The following VCL variants were observed in gnomAD, a reference collection of about 807,000 sequenced individuals.
VCL encodes epididymis luminal protein 114.
VCL carries 47 observed loss-of-function variants against 125.7 expected under a neutral mutation model. The observed-to-expected ratio is 0.37, with a 90% CI of 0.30 to 0.48. The LOEUF (loss-of-function observed/expected upper bound fraction) is 0.48. Among genes scored for constraint, VCL ranks in the 20% least tolerant of loss-of-function variants. The pLI is 0.99. For synonymous variants in VCL, 458 were observed against 514.6 expected, an observed-to-expected ratio of 0.89 and a Z score of 1.49; for missense variants, 1,069 against 1,455.5, an observed-to-expected ratio of 0.73 and a Z score of 4.32.
intron 10 of VCL, among the ~76,000 whole-genome samples, chr10:74,093,967 C>CA (rs1311165466): frequency 1.1e-4 from 16 of 152,196 alleles, no homozygotes; most frequent in Admixed American, 1.0e-3. Context: ...CTGGTGTTTT[C>CA]AGAGGTGGCA....
intron 2 of VCL, among the ~76,000 whole-genome samples, chr10:74,048,881 G>A (rs1213876003): frequency 6.6e-6 from 1 of 152,188 alleles, no homozygotes; most frequent in Non-Finnish European, 1.5e-5. Flanking sequence ...AGCACTTTGG[G>A]AGGCCGAGGC....
intron 8 of VCL, among the ~76,000 whole-genome samples, chr10:74,085,856 TTTTTA>T (rs766776412): frequency 6.6e-6 from 1 of 152,110 alleles, no homozygotes; most frequent in Non-Finnish European, 1.5e-5. Flanking sequence ...TATTTATTTA[TTTTTA>T]TTTTATTTTA....
chr10:74,037,469 G>A (rs964670053), intron 1 of VCL, among the ~76,000 whole-genome samples: 1 of 152,176 alleles, frequency 6.6e-6, no homozygotes, highest in African/African-American at 2.4e-5. Context: ...TTTGGTGATA[G>A]AACACTAAAT....
At chr10:74,043,217 A>G in intron 2 of VCL, 64 bp downstream of exon 2, 2 of 1,421,420 alleles carry the variant, frequency 1.4e-6, no homozygotes, top group Non-Finnish European at 2.0e-6. Context: ...AAGAAAAAGT[A>G]GCTGATTTCA....
rs1840276854 is a variant in VCL at position 74,114,356 on chromosome 10, CAGAT to C, written c.3124_3127del (p.Asp1042AsnfsTer17). 2 of 1,613,512 alleles carry C rather than the reference CAGAT, an allele frequency of 1.2e-6. No individual in the cohort carries two copies. The highest frequency in any genetic ancestry group is 8.5e-7 in the Non-Finnish European group (1 of 1,179,978). ...GCCAAGGAGGTTGCCAAGCAGTGCACAGATAAACGGATTAGAACCAACCTCTTAC... is the reference window on the plus strand; with the variant it reads ...GCCAAGGAGGTTGCCAAGCAGTGCACAAACGGATTAGAACCAACCTCTTAC... On this transcript the variant is annotated frameshift_variant, in exon 20 of 22. Transcript: ENST00000211998. LOFTEE classifies it high-confidence loss of function.
intron 1 of VCL, among the ~76,000 whole-genome samples, chr10:74,036,184 C>A (rs1227917630): frequency 1.3e-5 from 2 of 152,110 alleles, no homozygotes; most frequent in African/African-American, 4.8e-5. Flanking sequence ...TCTGTTTGTT[C>A]TTTTCTCTGT....
intron 2 of VCL, among the ~76,000 whole-genome samples, chr10:74,048,762 T>C (rs142574750): frequency 1.3e-5 from 2 of 152,300 alleles, no homozygotes; most frequent in African/African-American, 2.4e-5. Context: ...GTGAGATATA[T>C]TGCAAATAAT....
At chr10:74,077,236 GA>G (rs1294422334) in intron 6 of VCL, 4 of 152,578 alleles carry the variant, frequency 2.6e-5, no homozygotes, top group African/African-American at 9.7e-5. Context: ...CTGACCATAA[GA>G]ATGAAAAAGA....
chr10:74,016,523 A>ATTGC (rs1411264975), intron 1 of VCL, among the ~76,000 whole-genome samples: 3 of 151,936 alleles, frequency 2.0e-5, no homozygotes, highest in Non-Finnish European at 4.4e-5. Flanking sequence ...AGGTGGGAGG[A>ATTGC]TTGCTTGAGC....
chr10:74,020,494 A>G (rs1840639898), intron 1 of VCL, among the ~76,000 whole-genome samples: 1 of 152,120 alleles, frequency 6.6e-6, no homozygotes, highest in East Asian at 1.9e-4. Context: ...AGTGTTTTTT[A>G]ATGACTCTGA....
At chr10:74,050,932 ATTTTTTTTT>A (rs10607921) in intron 2 of VCL, among the ~76,000 whole-genome samples, 9 of 77,464 alleles carry the variant, frequency 1.2e-4, no homozygotes, top group South Asian at 5.6e-4. Flanking sequence ...GTACTACTGT[ATTTTTTTTT>A]TTTTTTTTTT....
In VCL at chr10:74,097,416, G is replaced by A; in HGVS notation, c.1872+84G>A. 1 of 1,576,950 alleles carries A rather than the reference G, an allele frequency of 6.3e-7. No individual in the cohort carries two copies. The highest frequency in any genetic ancestry group is 8.6e-7 in the Non-Finnish European group (1 of 1,162,842). On this transcript the variant is annotated intron_variant, in intron 13 of 21. Coordinates refer to ENST00000211998, the MANE Select transcript of VCL (RefSeq NM_014000.3). This position sits in a 1 kb window ranked among gnomAD's most constrained non-coding sequence, Gnocchi z 4.1. ...TGAAATGTGATTACAGTGGACATCA[G>A]GATCAGTGGTTGGGAAACTGTAGAT... is the stretch of plus-strand genomic sequence containing the variant.
intron 21 of VCL, among the ~76,000 whole-genome samples, chr10:74,116,735 A>C (rs1464030051): frequency 6.6e-6 from 1 of 152,002 alleles, no homozygotes; most frequent in Non-Finnish European, 1.5e-5. Context: ...AACAACAAAA[A>C]ACAAAACCCA....
chr10:74,074,651 C>A, intron 5 of VCL, 92 bp from the exon 6 acceptor site: 12 of 1,480,322 alleles, frequency 8.1e-6, no homozygotes, highest in Non-Finnish European at 1.1e-5. Flanking sequence ...CTTAAAAGCC[C>A]AAAACATCTA....
chr10:74,107,776 G>A (rs914906465), intron 17 of VCL, among the ~76,000 whole-genome samples: 1 of 152,040 alleles, frequency 6.6e-6, no homozygotes, highest in Non-Finnish European at 1.5e-5. Flanking sequence ...TCCTTTATTT[G>A]ACTTTTTTTT....
intron 1 of VCL, among the ~76,000 whole-genome samples, chr10:74,041,956 T>C (rs910682944): frequency 3.3e-5 from 5 of 152,340 alleles, no homozygotes; most frequent in Admixed American, 6.5e-5. Flanking sequence ...TTTGTGTTTT[T>C]AAATTACAAA....
rs1291316904 is a variant in VCL at position 74,071,579 on chromosome 10, A to G, written c.499+496A>G. On this transcript the variant is annotated intron_variant, in intron 4 of 21. Transcript: ENST00000211998. This position sits in a 1 kb window ranked among gnomAD's most constrained non-coding sequence, Gnocchi z 4.1. ...AAATCTTATTTTGAAATGATTATTCAGGCATCTGAGCATTAAATATTCAAA... is the reference window on the plus strand; with the variant it reads ...AAATCTTATTTTGAAATGATTATTCGGGCATCTGAGCATTAAATATTCAAA... Among the ~76,000 whole-genome samples, 1 of 152,238 alleles carries G rather than the reference A, an allele frequency of 6.6e-6. No homozygotes were observed. The highest frequency in any genetic ancestry group is 1.5e-5 in the Non-Finnish European group (1 of 68,042).
At chr10:74,112,221 G>C (rs1840236785) in intron 19 of VCL, 109 bp downstream of exon 19, 2 of 1,416,708 alleles carry the variant, frequency 1.4e-6, no homozygotes, top group South Asian at 1.2e-5. Context: ...AGTCTGAGCA[G>C]GGCGGGCATC....
Position 74,097,426 on chromosome 10 carries a change from T to C in VCL, c.1872+94T>C. 6 of 1,566,300 alleles carry C rather than the reference T, an allele frequency of 3.8e-6. 1 individual carries two copies. Among genetic ancestry groups the C allele is most frequent in the Non-Finnish European group, 3.5e-6 (4 of 1,154,444 alleles). On this transcript the variant is annotated intron_variant, in intron 13 of 21. Coordinates refer to ENST00000211998, the MANE Select transcript of VCL (RefSeq NM_014000.3). The surrounding 1 kb of genome is among the most constrained non-coding windows in gnomAD (Gnocchi z 4.1). ...TTACAGTGGACATCAGGATCAGTGGTTGGGAAACTGTAGATGAAGGGTGGA... is the reference window on the plus strand; with the variant it reads ...TTACAGTGGACATCAGGATCAGTGGCTGGGAAACTGTAGATGAAGGGTGGA...
Sources: gnomAD v4.1 joint callset for allele counts (sites outside exome capture counted in the v4.1 genomes callset) on GRCh38, gnomAD v4.1.1 for gene constraint, Gnocchi (gnomAD v3.1) non-coding constraint, MANE v1.5 for transcripts, NCBI Gene and HGNC (gene_info 2026-07-23, HGNC 2026-07-21) for gene names.